The following SEPTIN9 variants were observed in gnomAD, a reference collection of about 807,000 sequenced individuals.
SEPTIN9 encodes the protein septin 9.
SEPTIN9 carries 13 observed loss-of-function variants against 56.6 expected under a neutral mutation model. That is an observed-to-expected ratio of 0.23 (90% CI 0.15 to 0.37). The LOEUF (loss-of-function observed/expected upper bound fraction) is 0.37, where lower values mean the gene tolerates loss of function less well. SEPTIN9 is among the 10% of genes least tolerant of loss of function. The pLI is 1.00. For missense variants in SEPTIN9, 650 were observed against 823.1 expected, an observed-to-expected ratio of 0.79 and a Z score of 2.57; for synonymous variants, 332 against 334.1, an observed-to-expected ratio of 0.99 and a Z score of 0.07.
chr17:77,439,619 T>G (rs2037472641), intron 3 of SEPTIN9, among the ~76,000 whole-genome samples: 1 of 152,088 alleles, frequency 6.6e-6, no homozygotes. Context: ...GGGGATCAGG[T>G]GAGCAGATCC....
chr17:77,440,821 T>G (rs1287998384), intron 3 of SEPTIN9, among the ~76,000 whole-genome samples: 1 of 152,128 alleles, frequency 6.6e-6, no homozygotes, highest in Non-Finnish European at 1.5e-5. Flanking sequence ...GGGCCCAGAG[T>G]CACTCAGCTG....
intron 3 of SEPTIN9, among the ~76,000 whole-genome samples, chr17:77,479,518 A>C (rs2627211): frequency 0.16 from 23,906 of 152,282 alleles, 4,856 homozygotes; most frequent in African/African-American, 0.47. Context: ...TGCAGAAGGC[A>C]AGCCACTGCC....
chr17:77,361,358 C>T (rs1275226664), intron 2 of SEPTIN9, among the ~76,000 whole-genome samples: 1 of 152,050 alleles, frequency 6.6e-6, no homozygotes, highest in Non-Finnish European at 1.5e-5. Context: ...ATCTGCATGT[C>T]ACTCCCTGCT....
chr17:77,350,715 A>G (rs978719815), intron 2 of SEPTIN9, among the ~76,000 whole-genome samples: 2 of 140,100 alleles, frequency 1.4e-5, no homozygotes, highest in African/African-American at 5.1e-5. Flanking sequence ...AGCAGGCAGC[A>G]TGTGGGCTAA....
chr17:77,429,204 G>C lies in SEPTIN9; in HGVS notation c.721+26501G>C, dbSNP rs1231151212. 4.2e-6 allele frequency: 2 copies of C among 471,778 alleles called. No individual in the cohort carries two copies. Among genetic ancestry groups the C allele is most frequent in the Non-Finnish European group, 8.8e-6 (2 of 227,404 alleles). The allele number at this position is 471,778 out of a possible 1,614,324, so 29.2% of individuals were successfully genotyped here. A position where few individuals can be genotyped will look rare whatever the true frequency, so the allele number is the denominator to read the frequency against. ...GGCTGAGGCCGAGGCTGAGGCTGAG[G>C]CCACCTTGGTGAGGAGGAAATTGCA... is the stretch of plus-strand genomic sequence containing the variant. On this transcript the variant is annotated intron_variant, in intron 3 of 11. Transcript: ENST00000427177. The surrounding 1 kb of genome is among the most constrained non-coding windows in gnomAD (Gnocchi z 5.2).
intron 1 of SEPTIN9, chr17:77,287,865 A>G (rs2031348224): frequency 9.9e-7 from 1 of 1,015,096 alleles, no homozygotes; most frequent in Non-Finnish European, 1.2e-6. Flanking sequence ...GGCGCAGGGA[A>G]TGTAAGATGA....
chr17:77,486,760 G>A (rs988634057), intron 4 of SEPTIN9, among the ~76,000 whole-genome samples: 1 of 152,146 alleles, frequency 6.6e-6, no homozygotes, highest in African/African-American at 2.4e-5. Context: ...CTGGCTGTCT[G>A]CACACACGGT....
chr17:77,478,381 T>G (rs2143150563), intron 3 of SEPTIN9, among the ~76,000 whole-genome samples: 1 of 152,286 alleles, frequency 6.6e-6, no homozygotes, highest in South Asian at 2.1e-4. Context: ...CTTCTGGGTG[T>G]GGATTCAAAA....
At chr17:77,382,400 C>T (rs533663208) in intron 2 of SEPTIN9, among the ~76,000 whole-genome samples, 229 of 152,360 alleles carry the variant, frequency 1.5e-3, no homozygotes, top group South Asian at 2.5e-3. Context: ...CAGCTGCCCT[C>T]GGCACTCAGG....
intron 2 of SEPTIN9, among the ~76,000 whole-genome samples, chr17:77,377,493 C>T (rs150348127): frequency 2.5e-3 from 381 of 152,184 alleles, no homozygotes; most frequent in African/African-American, 8.7e-3. Flanking sequence ...TCCAAAAGTC[C>T]TTGATGTTTG....
chr17:77,454,677 G>C (rs1251494184), intron 3 of SEPTIN9, among the ~76,000 whole-genome samples: 1 of 152,194 alleles, frequency 6.6e-6, no homozygotes, highest in Non-Finnish European at 1.5e-5. Context: ...AGAGTTGGCT[G>C]TTCAAACTCG....
At position 77,307,260 on chromosome 17, in the gene SEPTIN9, T is replaced by G; in HGVS notation, c.76+63T>G. 4 of 1,458,962 alleles carry G rather than the reference T, an allele frequency of 2.7e-6. No individual in the cohort carries two copies. The South Asian group carries it at 4.6e-5, about 17-fold the overall frequency. 90.4% of individuals were successfully genotyped at this position (1,458,962 alleles called of 1,614,324 possible). A position where few individuals can be genotyped will look rare whatever the true frequency, so the allele number is the denominator to read the frequency against. ...TGGGTGTGTTTGTGCTGGGGTCCCT[T>G]CATTCTGGTCTGGGACCTGCCTCCC... On this transcript the variant is annotated intron_variant, in intron 2 of 11. Coordinates refer to ENST00000427177, the MANE Select transcript of SEPTIN9 (RefSeq NM_001113491.2).
chr17:77,482,245 G>C lies in SEPTIN9; in HGVS notation c.823G>C (p.Asp275His). The C allele has an allele frequency of 6.2e-7, 1 of 1,613,130 alleles. No individual in the cohort carries two copies. The highest frequency in any genetic ancestry group is 8.5e-7 in the Non-Finnish European group (1 of 1,179,874). The change falls in exon 4 of 12, where the codon GAC becomes CAC. Residue 275 changes from aspartate (D) to histidine (H), a missense_variant. By Grantham distance (81) the Asp-to-His change is moderately conservative. Coordinates refer to ENST00000427177, the MANE Select transcript of SEPTIN9 (RefSeq NM_001113491.2). ...PASRNEKAPV[D>H]FGYVGIDSIL... ...ATCACGGAACGAGAAGGCCCCGGTG[G>C]ACTTCGGCTACGTGGGGATTGACTC...
At position 77,402,258 on chromosome 17, in the gene SEPTIN9, G is replaced by A; in HGVS notation, c.276G>A (p.Arg92=). 1 of 1,613,086 alleles carries A rather than the reference G, an allele frequency of 6.2e-7. No homozygotes were observed. Residue 92 remains arginine (R), a synonymous_variant, in exon 3 of 12, where the codon AGG becomes AGA. Transcript: ENST00000427177. This position sits in a 1 kb window ranked among gnomAD's most constrained non-coding sequence, Gnocchi z 6.6. ...GCTCCCCCAAGGCGTCCCTGCGGAGGGTGGAGCTCTCGGGCCCCAAGGCGG... is the reference window on the plus strand; with the variant it reads ...GCTCCCCCAAGGCGTCCCTGCGGAGAGTGGAGCTCTCGGGCCCCAAGGCGG... The part of the protein sequence containing the change: ...SQRSPKASLR[R]VELSGPKAAE...
intron 3 of SEPTIN9, among the ~76,000 whole-genome samples, chr17:77,438,167 C>T (rs892254489): frequency 2.0e-5 from 3 of 152,178 alleles, no homozygotes; most frequent in African/African-American, 7.2e-5. Context: ...ATAGATTTGG[C>T]GAGGAGGGAA....
intron 2 of SEPTIN9, among the ~76,000 whole-genome samples, chr17:77,346,311 T>A (rs2033894903): frequency 6.9e-6 from 1 of 145,544 alleles, no homozygotes; most frequent in Non-Finnish European, 1.5e-5. Context: ...TTTTTTTACT[T>A]CTTTTCTAAT....
At chr17:77,481,661 G>A (rs544986135) in intron 3 of SEPTIN9, among the ~76,000 whole-genome samples, 1 of 151,252 alleles carries the variant, frequency 6.6e-6, no homozygotes, top group South Asian at 2.1e-4. Flanking sequence ...GGCTTCTAAG[G>A]CCTTTGAGTG....
intron 2 of SEPTIN9, among the ~76,000 whole-genome samples, chr17:77,382,760 G>A (rs544687796): frequency 2.4e-4 from 36 of 152,214 alleles, no homozygotes; most frequent in Admixed American, 6.5e-5. Flanking sequence ...GGGGTCGGGT[G>A]GGGGAGGAGA....
At chr17:77,460,534 C>T (rs1785383008) in intron 3 of SEPTIN9, among the ~76,000 whole-genome samples, 1 of 152,210 alleles carries the variant, frequency 6.6e-6, no homozygotes, top group Admixed American at 6.5e-5. Flanking sequence ...AGGCTCCTGG[C>T]TGGCGTGGCT....
Sources: gnomAD v4.1 joint callset for allele counts (sites outside exome capture counted in the v4.1 genomes callset) on GRCh38, gnomAD v4.1.1 for gene constraint, Gnocchi (gnomAD v3.1) non-coding constraint, MANE v1.5 for transcripts, NCBI Gene and HGNC (gene_info 2026-07-23, HGNC 2026-07-21) for gene names.